Variants in INSYN2B observed in about 807,000 individuals in gnomAD.
INSYN2B encodes the protein inhibitory synaptic factor family member 2B.
INSYN2B carries 16 observed loss-of-function variants against 41.2 expected under a neutral mutation model. The ratio of observed to expected loss-of-function variants is 0.39; its 90% confidence interval spans 0.26 to 0.59. The LOEUF (loss-of-function observed/expected upper bound fraction) is 0.59, where lower values mean the gene tolerates loss of function less well. INSYN2B is among the 20% of genes least tolerant of loss of function. INSYN2B has a pLI of 0.57. For synonymous variants in INSYN2B, 245 were observed against 244.4 expected (o/e 1.00, Z -0.02); for missense variants, 608 against 646.4 (o/e 0.94, Z 0.64).
At chr5:169,888,500 A>G (rs1379367277) in intron 1 of INSYN2B, among the ~76,000 whole-genome samples, 1 of 152,212 alleles carries the variant, frequency 6.6e-6, no homozygotes, top group African/African-American at 2.4e-5. Context: ...AATGGTCCTC[A>G]TGGAATCAGT....
chr5:169,885,130 C>CA (rs1157050951), intron 1 of INSYN2B, among the ~76,000 whole-genome samples: 1 of 152,208 alleles, frequency 6.6e-6, no homozygotes, highest in Non-Finnish European at 1.5e-5. Flanking sequence ...CTCACACACC[C>CA]AGTGCCAAGA....
In INSYN2B at chr5:169,950,347, G is replaced by A. The variant is rs57354647; in HGVS notation, c.-919+29930C>T. ...TTAAGAGCATTGATATATGCAAAGC[G>A]CTTAGTGTCTAGCATTTACTAAGCA... On this transcript the variant is annotated intron_variant, in intron 1 of 3. Transcript: ENST00000377365. Among the ~76,000 whole-genome samples, 267 of 152,284 alleles carry A rather than the reference G, an allele frequency of 1.8e-3. 1 individual carries two copies. The highest frequency in any genetic ancestry group is 6.2e-3 in the African/African-American group (257 of 41,540).
intron 1 of INSYN2B, among the ~76,000 whole-genome samples, chr5:169,926,001 C>T (rs1171847085): frequency 1.2e-4 from 18 of 152,106 alleles, no homozygotes; most frequent in Admixed American, 1.2e-3. Flanking sequence ...CGCAACACAC[C>T]CCTCATTCCA....
intron 3 of INSYN2B, among the ~76,000 whole-genome samples, chr5:169,876,598 G>A (rs139487520): frequency 6.6e-6 from 1 of 152,304 alleles, no homozygotes; most frequent in Non-Finnish European, 1.5e-5. Context: ...AGCTCTCTGA[G>A]TCATCAAAGA....
intron 1 of INSYN2B, among the ~76,000 whole-genome samples, chr5:169,968,725 C>G (rs1777390404): frequency 6.6e-6 from 1 of 152,166 alleles, no homozygotes; most frequent in African/African-American, 2.4e-5. Flanking sequence ...AGGGTACTCC[C>G]TGGGTCAGCT....
Position 169,883,587 on chromosome 5 carries a change from C to G in INSYN2B, c.312G>C (p.Arg104Ser), listed in dbSNP as rs1772796085. Residue 104 changes from arginine to serine, a missense_variant, in exon 2 of 4, where the codon AGG (arginine) becomes AGC (serine). Physicochemically the swap from Arg to Ser is moderately radical, Grantham distance 110 (BLOSUM62 -1). Coordinates refer to ENST00000377365, the MANE Select transcript of INSYN2B (RefSeq NM_001129891.3). ...TCCTTTTGAAAACTGGGAAATGCTT[C>G]CTGAGACTGGGGGAAGTTTGGATTG... ...NIAIQTSPSLRKHFPVFKRKR... is the reference protein window; with the variant it reads ...NIAIQTSPSLSKHFPVFKRKR... 1 of 1,551,530 alleles carries G rather than the reference C, an allele frequency of 6.4e-7. No homozygotes were observed. Among genetic ancestry groups the G allele is most frequent in the Admixed American group, 2.0e-5 (1 of 50,964 alleles).
chr5:169,887,852 C>T (rs997259206), intron 1 of INSYN2B, among the ~76,000 whole-genome samples: 6 of 152,178 alleles, frequency 3.9e-5, no homozygotes, highest in African/African-American at 1.4e-4. Context: ...TCTGCCATTA[C>T]TGCATGAGAA....
At chr5:169,970,617 C>G (rs1777469270) in intron 1 of INSYN2B, among the ~76,000 whole-genome samples, 1 of 152,172 alleles carries the variant, frequency 6.6e-6, no homozygotes, top group Non-Finnish European at 1.5e-5. Flanking sequence ...CAGGGTAGTT[C>G]CCAAGAATCA....
chr5:169,977,821 A>G (rs1367492676), intron 1 of INSYN2B, among the ~76,000 whole-genome samples: 1 of 152,188 alleles, frequency 6.6e-6, no homozygotes, highest in Non-Finnish European at 1.5e-5. Context: ...CTCTAAAATG[A>G]ATAGGTTTTA....
intron 1 of INSYN2B, among the ~76,000 whole-genome samples, chr5:169,948,612 A>G (rs563085188): frequency 6.8e-6 from 1 of 148,094 alleles, no homozygotes; most frequent in East Asian, 2.0e-4. Flanking sequence ...TTCCACAATT[A>G]ATTTTTTTTT....
chr5:169,872,799 G>T (rs1236435847), intron 3 of INSYN2B, among the ~76,000 whole-genome samples: 1 of 152,170 alleles, frequency 6.6e-6, no homozygotes, highest in East Asian at 1.9e-4. Flanking sequence ...TTGAGCCCTG[G>T]CTCCCTGGGA....
intron 2 of INSYN2B, 72 bp downstream of exon 2, chr5:169,882,481 A>G: frequency 7.6e-7 from 1 of 1,307,912 alleles, no homozygotes; most frequent in Non-Finnish European, 1.0e-6. Context: ...AAGAAACCAA[A>G]GCTGTCTCTG....
chr5:169,954,947 G>A (rs375906064), intron 1 of INSYN2B, among the ~76,000 whole-genome samples: 17 of 152,296 alleles, frequency 1.1e-4, no homozygotes, highest in African/African-American at 4.1e-4. Flanking sequence ...AACCTAGCAG[G>A]GGCATTAGGA....
chr5:169,872,272 G>A (rs1177268440), intron 3 of INSYN2B, among the ~76,000 whole-genome samples: 1 of 152,200 alleles, frequency 6.6e-6, no homozygotes, highest in East Asian at 1.9e-4. Context: ...GATGCAGCGA[G>A]AGTAGTTTGG....
chr5:169,969,286 A>C (rs1036941946), intron 1 of INSYN2B, among the ~76,000 whole-genome samples: 1 of 151,942 alleles, frequency 6.6e-6, no homozygotes, highest in Non-Finnish European at 1.5e-5. Flanking sequence ...CTCTACTAAA[A>C]ATACAAAAAT....
chr5:169,948,214 G>T (rs1776521301), intron 1 of INSYN2B, among the ~76,000 whole-genome samples: 1 of 152,168 alleles, frequency 6.6e-6, no homozygotes, highest in Non-Finnish European at 1.5e-5. Context: ...CCTAGGCTCT[G>T]AAGATACTGT....
intron 1 of INSYN2B, among the ~76,000 whole-genome samples, chr5:169,958,613 G>C (rs1337470388): frequency 6.6e-6 from 1 of 151,584 alleles, no homozygotes; most frequent in South Asian, 2.1e-4. Context: ...TTTACAAAAT[G>C]TGGTTTAAAT....
At chr5:169,953,483 T>G (rs1272797149) in intron 1 of INSYN2B, among the ~76,000 whole-genome samples, 1 of 152,136 alleles carries the variant, frequency 6.6e-6, no homozygotes, top group African/African-American at 2.4e-5. Flanking sequence ...GTTTATGAAA[T>G]GGAGGTCTTG....
intron 1 of INSYN2B, among the ~76,000 whole-genome samples, chr5:169,944,493 G>C (rs1206012832): frequency 6.6e-6 from 1 of 152,220 alleles, no homozygotes; most frequent in African/African-American, 2.4e-5. Context: ...GAGGGAGGGA[G>C]AGCAGCCAGG....
Sources: gnomAD v4.1 joint callset for allele counts (sites outside exome capture counted in the v4.1 genomes callset) on GRCh38, gnomAD v4.1.1 for gene constraint, MANE v1.5 for transcripts, NCBI Gene and HGNC (gene_info 2026-07-23, HGNC 2026-07-21) for gene names.